Variants in CCM2 observed in about 807,000 individuals in gnomAD.
CCM2 encodes the protein cerebral cavernous malformations 2 protein.
Under a neutral mutation model 44.9 loss-of-function variants are expected in CCM2, and 25 were observed. The observed-to-expected ratio is 0.56, with a 90% CI of 0.41 to 0.78. The LOEUF is 0.78. Among genes scored for constraint, CCM2 ranks in the 30% least tolerant of loss-of-function variants. CCM2 has a pLI of 0.00. For synonymous variants in CCM2, 219 were observed against 241.1 expected (o/e 0.91, Z 0.85); for missense variants, 481 against 580.6 (o/e 0.83, Z 1.76).
At chr7:45,035,302 A>G (rs187570503) in intron 1 of CCM2, among the ~76,000 whole-genome samples, 1 of 152,310 alleles carries the variant, frequency 6.6e-6, no homozygotes, top group Non-Finnish European at 1.5e-5. Flanking sequence ...AAAAATTCAA[A>G]TATTAAAAAA....
intron 1 of CCM2, among the ~76,000 whole-genome samples, chr7:45,003,078 A>G (rs1211054435): frequency 1.3e-5 from 2 of 152,032 alleles, no homozygotes; most frequent in Non-Finnish European, 2.9e-5. Flanking sequence ...GGCACTATGT[A>G]ATTCCTTTTT....
chr7:45,039,584 A>G (rs886776195), intron 2 of CCM2, among the ~76,000 whole-genome samples: 3 of 152,238 alleles, frequency 2.0e-5, no homozygotes, highest in African/African-American at 2.4e-5. Flanking sequence ...AAATACACAA[A>G]CATGAATAAA....
At chr7:45,033,750 A>G (rs1562877714) in intron 1 of CCM2, among the ~76,000 whole-genome samples, 1 of 152,138 alleles carries the variant, frequency 6.6e-6, no homozygotes, top group Non-Finnish European at 1.5e-5. Context: ...TGCACATCAT[A>G]GGGCCTGGGA....
chr7:45,033,696 G>A (rs1262079498), intron 1 of CCM2, among the ~76,000 whole-genome samples: 1 of 152,180 alleles, frequency 6.6e-6, no homozygotes, highest in African/African-American at 2.4e-5. Flanking sequence ...CTGGGCTCAT[G>A]GGCCAAATGC....
chr7:45,041,390 C>T (rs904254815), intron 2 of CCM2, among the ~76,000 whole-genome samples: 5 of 152,192 alleles, frequency 3.3e-5, no homozygotes, highest in Admixed American at 1.3e-4. Context: ...TATGCAATAA[C>T]GTAAGAACAC....
intron 6 of CCM2, chr7:45,071,555 G>C: frequency 3.0e-6 from 1 of 328,998 alleles, no homozygotes; most frequent in Non-Finnish European, 6.0e-6. Flanking sequence ...AAACATAGCA[G>C]CATAAACAGC....
At chr7:45,028,785 A>G (rs1190495210) in intron 1 of CCM2, among the ~76,000 whole-genome samples, 2 of 151,702 alleles carry the variant, frequency 1.3e-5, no homozygotes, top group African/African-American at 4.8e-5. Context: ...GCACCAAAGC[A>G]CTTAAAAAAA....
chr7:45,028,144 G>T (rs1184376648), intron 1 of CCM2, among the ~76,000 whole-genome samples: 1 of 152,208 alleles, frequency 6.6e-6, no homozygotes, highest in Non-Finnish European at 1.5e-5. Flanking sequence ...GGACCCAAGA[G>T]CCTGGTTGAA....
At chr7:45,014,856 G>A (rs570565252) in intron 1 of CCM2, among the ~76,000 whole-genome samples, 1 of 145,728 alleles carries the variant, frequency 6.9e-6, no homozygotes, top group South Asian at 2.2e-4. Flanking sequence ...TCCTGACATC[G>A]GCTGATCGGC....
At chr7:45,073,965 C>T in intron 8 of CCM2, 1 of 545,432 alleles carries the variant, frequency 1.8e-6, no homozygotes, top group South Asian at 2.0e-5. Flanking sequence ...AGGGCACAGG[C>T]ATTGGCCCCG....
At position 45,072,585 on chromosome 7, in the gene CCM2, G is replaced by C. The variant is rs1432901400; in HGVS notation, c.746-141G>C. On this transcript the variant is annotated intron_variant, in intron 6 of 9. Coordinates refer to ENST00000258781, the MANE Select transcript of CCM2 (RefSeq NM_031443.4). ...AGGCACACAGCACATTCCAGAGTGC[G>C]GGCAGCTTGATGAAGGACAGCAGGG... 3 of 722,696 alleles carry C rather than the reference G, an allele frequency of 4.2e-6. No homozygotes were observed. In the East Asian group the frequency reaches 8.0e-5, roughly 19 times the overall value. The allele number at this position is 722,696 out of a possible 1,614,324, so 44.8% of individuals were successfully genotyped here. A position where few individuals can be genotyped will look rare whatever the true frequency, so the allele number is the denominator to read the frequency against.
chr7:45,062,277 G>T (rs1798562875), intron 2 of CCM2, among the ~76,000 whole-genome samples: 1 of 152,122 alleles, frequency 6.6e-6, no homozygotes, highest in Non-Finnish European at 1.5e-5. Context: ...GAGAAATGTT[G>T]AGTGCAAGAA....
intron 2 of CCM2, among the ~76,000 whole-genome samples, chr7:45,061,029 C>T (rs1156561914): frequency 6.6e-6 from 1 of 152,110 alleles, no homozygotes. Context: ...CTGTTTGCTG[C>T]CCTTGTGATG....
Position 45,040,985 on chromosome 7 carries a change from G to C in CCM2, c.204+2559G>C, listed in dbSNP as rs572102420. Reference sequence around the variant, plus strand: ...AGCCTAGGCGACAGCGTGAGACGCGGTCTTCAAAAACAAAACAAAACACAA... The same window carrying C: ...AGCCTAGGCGACAGCGTGAGACGCGCTCTTCAAAAACAAAACAAAACACAA... On this transcript the variant is annotated intron_variant, in intron 2 of 9. Coordinates refer to ENST00000258781, the MANE Select transcript of CCM2 (RefSeq NM_031443.4). 2.6e-5 allele frequency among the ~76,000 whole-genome samples: 4 copies of C among 152,212 alleles called. No homozygotes were observed. In the East Asian group the frequency reaches 7.7e-4, roughly 29 times the overall value.
intron 8 of CCM2, chr7:45,073,852 G>A (rs1038269577): frequency 3.6e-6 from 2 of 556,794 alleles, no homozygotes; most frequent in Non-Finnish European, 3.2e-6. Context: ...GGTGGCCCCT[G>A]CAAGGCCACA....
chr7:45,028,100 A>G (rs1796773982), intron 1 of CCM2, among the ~76,000 whole-genome samples: 1 of 152,270 alleles, frequency 6.6e-6, no homozygotes, highest in African/African-American at 2.4e-5. Flanking sequence ...TACATCTTCC[A>G]CGGAGAAGTA....
intron 1 of CCM2, among the ~76,000 whole-genome samples, chr7:45,010,718 C>T (rs1005960452): frequency 6.6e-6 from 1 of 152,048 alleles, no homozygotes; most frequent in Admixed American, 6.6e-5. Context: ...CTGCCTCAGC[C>T]TCCTGAGTAG....
chr7:45,074,970 C>T (rs1468262947), intron 9 of CCM2, among the ~76,000 whole-genome samples: 4 of 152,180 alleles, frequency 2.6e-5, no homozygotes, highest in South Asian at 2.1e-4. Context: ...AGCAAGTTTG[C>T]GGTAATGTGT....
intron 7 of CCM2, 178 bp downstream of exon 7, chr7:45,072,961 T>C (rs1408282892): frequency 1.5e-6 from 1 of 684,946 alleles, no homozygotes; most frequent in African/African-American, 1.8e-5. Context: ...CCTCTCCTCG[T>C]AGACTTCTAG....
Sources: gnomAD v4.1 joint callset for allele counts (sites outside exome capture counted in the v4.1 genomes callset) on GRCh38, gnomAD v4.1.1 for gene constraint, MANE v1.5 for transcripts, NCBI Gene and HGNC (gene_info 2026-07-23, HGNC 2026-07-21) for gene names.